Variants in CPM observed in about 807,000 individuals in gnomAD.
CPM encodes the protein renal carboxypeptidase.
A neutral mutation model predicts 46.4 loss-of-function variants in CPM; 35 were observed. The ratio of observed to expected loss-of-function variants is 0.75; its 90% CI spans 0.58 to 1.00. The LOEUF is 1.00. Ranked by LOEUF, CPM falls within the 50% of genes least tolerant of loss-of-function variation. CPM has a pLI of 0.00. For missense variants in CPM, 422 were observed against 530.4 expected (o/e 0.80, Z 2.01); for synonymous variants, 195 against 195.3 (o/e 1.00, Z 0.01).
At chr12:68,911,406 T>A (rs2136292735) in intron 2 of CPM, among the ~76,000 whole-genome samples, 1 of 152,354 alleles carries the variant, frequency 6.6e-6, no homozygotes. Context: ...GCTTCAGTCC[T>A]GAATCTACCA....
chr12:68,877,190 A>C (rs145535134), intron 3 of CPM, among the ~76,000 whole-genome samples: 186 of 152,302 alleles, frequency 1.2e-3, no homozygotes, highest in African/African-American at 4.3e-3. Flanking sequence ...AATGCGGGTC[A>C]CACACGTTAC....
rs1884803544 is a variant in CPM, at chr12:68,853,186, CGT to C, written c.*3249_*3250del. The C allele has an allele frequency of 6.6e-6, 1 of 152,074 alleles. No individual in the cohort carries two copies. The highest frequency in any genetic ancestry group is 2.4e-5 in the African/African-American group (1 of 41,374). The allele number at this position is 152,074 out of a possible 1,614,324, so 9.4% of individuals were successfully genotyped here. On this transcript the variant is annotated 3_prime_UTR_variant, in exon 9 of 9. Transcript: ENST00000551568. Reference sequence around the variant, plus strand: ...TCATGAACTAATTCAGATTTTTGTTCGTGTCTCTTCAAAAATTGCTATCTTAG... The same window carrying C: ...TCATGAACTAATTCAGATTTTTGTTCGTCTCTTCAAAAATTGCTATCTTAG...
intron 5 of CPM, chr12:68,845,325 A>G (rs963552106): frequency 9.4e-6 from 2 of 212,428 alleles, no homozygotes; most frequent in Non-Finnish European, 1.9e-5. Flanking sequence ...TACAAATAAT[A>G]CTTTGAGGTA....
intron 3 of CPM, among the ~76,000 whole-genome samples, chr12:68,877,197 T>C (rs529121550): frequency 1.3e-5 from 2 of 152,270 alleles, no homozygotes; most frequent in African/African-American, 4.8e-5. Flanking sequence ...GTCACACACG[T>C]TACAATCACT....
rs112093404 is a variant in CPM at position 68,909,915 on chromosome 12, C to G, written c.160+22763G>C. Among the ~76,000 whole-genome samples the G allele has an allele frequency of 8.7e-3, 1,313 of 151,628 alleles. 5 individuals are homozygous for G. The highest frequency in any genetic ancestry group is 9.5e-3 in the African/African-American group (394 of 41,294). The stretch of plus-strand genomic sequence containing the variant: ...ACGGGTTGATGGGTGCAGCAAACCA[C>G]CATGGCACATGTATACCTATGTAAC... On this transcript the variant is annotated intron_variant, in intron 2 of 8. Transcript: ENST00000551568.
chr12:68,919,610 C>G (rs1887952605), intron 2 of CPM, among the ~76,000 whole-genome samples: 1 of 152,178 alleles, frequency 6.6e-6, no homozygotes, highest in Non-Finnish European at 1.5e-5. Context: ...CATTTTGTAC[C>G]CTTAGAAGTA....
At chr12:68,936,324 A>T (rs1888671511), upstream of CPM, among the ~76,000 whole-genome samples, 1 of 152,262 alleles carries the variant, frequency 6.6e-6, no homozygotes, top group South Asian at 2.1e-4. Flanking sequence ...ACAGCAAAAT[A>T]AAAGGTTAGC....
intron 2 of CPM, among the ~76,000 whole-genome samples, chr12:68,927,528 G>A (rs1008931600): frequency 6.6e-6 from 1 of 152,028 alleles, no homozygotes; most frequent in Non-Finnish European, 1.5e-5. Flanking sequence ...TGTTCACTCT[G>A]ATGGTAGTTT....
At chr12:68,878,734 CT>C (rs1362587013) in intron 3 of CPM, among the ~76,000 whole-genome samples, 1 of 151,838 alleles carries the variant, frequency 6.6e-6, no homozygotes, top group African/African-American at 2.4e-5. Flanking sequence ...CGCAATTCCC[CT>C]GTCTTGATAA....
chr12:68,866,786 G>A, intron 7 of CPM, 110 bp downstream of exon 7: 2 of 891,398 alleles, frequency 2.2e-6, no homozygotes, highest in Middle Eastern at 3.5e-4. Context: ...GCACTGAAAT[G>A]AGGCTATAAC....
intron 1 of CPM, among the ~76,000 whole-genome samples, chr12:68,947,037 T>A (rs918104304): frequency 2.6e-5 from 4 of 152,214 alleles, no homozygotes; most frequent in Non-Finnish European, 5.9e-5. Flanking sequence ...CATGAACACA[T>A]AAGCTCTCCA....
intron 2 of CPM, among the ~76,000 whole-genome samples, chr12:68,897,736 C>CA (rs62826660): frequency 0.022 from 2,311 of 105,868 alleles, 67 homozygotes; most frequent in African/African-American, 0.07. Context: ...GACTCCGTTT[C>CA]AAAAAAAAAA....
At chr12:68,904,635 T>C (rs1887260488) in intron 2 of CPM, among the ~76,000 whole-genome samples, 1 of 152,196 alleles carries the variant, frequency 6.6e-6, no homozygotes, top group African/African-American at 2.4e-5. Context: ...CAGAATTAGA[T>C]GAGCTCTTGA....
intron 2 of CPM, among the ~76,000 whole-genome samples, chr12:68,920,622 A>AG (rs1238992820): frequency 6.6e-6 from 1 of 151,818 alleles, no homozygotes; most frequent in Admixed American, 6.6e-5. Flanking sequence ...CTGAGTATAG[A>AG]GGGGGGAAAA....
At chr12:68,896,850 T>C (rs1345984319) in intron 2 of CPM, among the ~76,000 whole-genome samples, 2 of 152,000 alleles carry the variant, frequency 1.3e-5, no homozygotes, top group East Asian at 3.9e-4. Flanking sequence ...TCTTCCTGAA[T>C]AGGTGAATGG....
chr12:68,922,293 G>A (rs1351183386), intron 2 of CPM, among the ~76,000 whole-genome samples: 1 of 152,196 alleles, frequency 6.6e-6, no homozygotes, highest in African/African-American at 2.4e-5. Flanking sequence ...GTATTATGTG[G>A]GAAAGGAGGC....
intron 1 of CPM, among the ~76,000 whole-genome samples, chr12:68,962,709 T>C (rs1889142816): frequency 6.6e-6 from 1 of 152,158 alleles, no homozygotes; most frequent in African/African-American, 2.4e-5. Flanking sequence ...CCTTTTAGAA[T>C]TGTTGATAGA....
At chr12:68,957,418 T>C (rs1889039522) in intron 1 of CPM, 1 of 270,776 alleles carries the variant, frequency 3.7e-6, no homozygotes, top group Non-Finnish European at 7.5e-6. Context: ...ATCTCCATGA[T>C]TCAAATTCCC....
intron 2 of CPM, among the ~76,000 whole-genome samples, chr12:68,927,982 G>C (rs891317097): frequency 4.6e-5 from 7 of 152,076 alleles, no homozygotes; most frequent in African/African-American, 1.7e-4. Flanking sequence ...TCCCCATCAA[G>C]CCACCAATGA....
Sources: allele counts gnomAD v4.1 joint callset (sites outside exome capture counted in the v4.1 genomes callset), GRCh38; gene constraint gnomAD v4.1.1; transcripts MANE v1.5; gene names NCBI Gene and HGNC (gene_info 2026-07-23, HGNC 2026-07-21).